Variants in TMEM117 observed in about 807,000 individuals in gnomAD.
TMEM117 encodes transmembrane protein 117.
TMEM117 carries 27 observed loss-of-function variants against 52.4 expected under a neutral mutation model. The observed-to-expected ratio is 0.51, with a 90% CI of 0.38 to 0.71. The LOEUF is 0.71. Ranked by LOEUF, TMEM117 falls within the 30% of genes least tolerant of loss-of-function variation. TMEM117 has a pLI of 0.00. For missense variants in TMEM117, 556 were observed against 630.5 expected, an observed-to-expected ratio of 0.88 and a Z score of 1.26; for synonymous variants, 215 against 206.3, an observed-to-expected ratio of 1.04 and a Z score of -0.36.
chr12:44,155,114 A>T (rs186828032), intron 4 of TMEM117, among the ~76,000 whole-genome samples: 6 of 152,152 alleles, frequency 3.9e-5, no homozygotes, highest in East Asian at 3.9e-4. Context: ...ATTTTGAGAT[A>T]AAAAAACTCA....
chr12:44,228,635 A>G (rs1250066198), intron 5 of TMEM117, among the ~76,000 whole-genome samples: 1 of 152,176 alleles, frequency 6.6e-6, no homozygotes, highest in Non-Finnish European at 1.5e-5. Context: ...ACCTAATCAG[A>G]GAACTGAATG....
chr12:44,311,915 A>G (rs143748536), intron 6 of TMEM117, among the ~76,000 whole-genome samples: 3,335 of 118,272 alleles, frequency 0.028, 275 homozygotes, highest in African/African-American at 0.095. Flanking sequence ...ATATGTGTGT[A>G]TATATATATA....
intron 3 of TMEM117, among the ~76,000 whole-genome samples, chr12:44,034,984 A>ACATCT (rs1946688014): frequency 1.3e-5 from 2 of 152,180 alleles, no homozygotes; most frequent in Non-Finnish European, 2.9e-5. Context: ...TTAAGCTGGA[A>ACATCT]CATCTCATCT....
At chr12:43,859,955 G>T (rs1462447469) in intron 2 of TMEM117, among the ~76,000 whole-genome samples, 1 of 152,146 alleles carries the variant, frequency 6.6e-6, no homozygotes, top group Non-Finnish European at 1.5e-5. Flanking sequence ...GACACTAGAA[G>T]AGACTTTAAG....
chr12:44,159,991 G>A (rs1271037754), intron 4 of TMEM117, among the ~76,000 whole-genome samples: 1 of 152,132 alleles, frequency 6.6e-6, no homozygotes, highest in Non-Finnish European at 1.5e-5. Context: ...ATCAGAGAGA[G>A]GATGAAAGCA....
At chr12:44,396,175 A>G in the TMEM117 span, among the ~76,000 whole-genome samples, 1 of 152,084 alleles carries the variant, frequency 6.6e-6, no homozygotes, top group African/African-American at 2.4e-5. Context: ...ATGTTGAACT[A>G]CTGACAGCTC....
At chr12:44,369,384 A>G (rs991596086) in intron 6 of TMEM117, among the ~76,000 whole-genome samples, 1 of 152,224 alleles carries the variant, frequency 6.6e-6, no homozygotes, top group Admixed American at 6.5e-5. Flanking sequence ...GCCTCTGAAA[A>G]GTAACAGACT....
At chr12:43,870,894 C>T (rs1187136008) in intron 2 of TMEM117, among the ~76,000 whole-genome samples, 1 of 152,222 alleles carries the variant, frequency 6.6e-6, no homozygotes, top group Admixed American at 6.5e-5. Context: ...AAGCGATTCT[C>T]CTGCCTCAGC....
intron 5 of TMEM117, among the ~76,000 whole-genome samples, chr12:44,257,062 G>A (rs1950268025): frequency 6.7e-6 from 1 of 148,890 alleles, no homozygotes; most frequent in African/African-American, 2.5e-5. Flanking sequence ...AATATCTATT[G>A]CATACTAGAT....
intron 2 of TMEM117, among the ~76,000 whole-genome samples, chr12:43,874,891 A>C (rs1211914786): frequency 6.6e-6 from 1 of 152,230 alleles, no homozygotes. Context: ...ATATCAAATT[A>C]GATCCGCAGG....
intron 4 of TMEM117, among the ~76,000 whole-genome samples, chr12:44,168,194 AG>A (rs934238748): frequency 6.6e-6 from 1 of 151,960 alleles, no homozygotes; most frequent in Non-Finnish European, 1.5e-5. Context: ...CGGAGGTTGC[AG>A]GGAGCTGAGA....
chr12:44,093,325 A>G (rs1213558194), intron 3 of TMEM117, among the ~76,000 whole-genome samples: 1 of 152,130 alleles, frequency 6.6e-6, no homozygotes, highest in African/African-American at 2.4e-5. Flanking sequence ...TCTAATTGAT[A>G]CTGTTTTCAT....
chr12:44,359,060 TC>T (rs1369317045), intron 6 of TMEM117, among the ~76,000 whole-genome samples: 1 of 152,184 alleles, frequency 6.6e-6, no homozygotes, highest in African/African-American at 2.4e-5. Flanking sequence ...TGATATTATA[TC>T]CCCTTTGAAC....
chr12:44,271,358 C>T (rs1015014506), intron 5 of TMEM117, among the ~76,000 whole-genome samples: 2 of 151,966 alleles, frequency 1.3e-5, no homozygotes, highest in African/African-American at 4.8e-5. Flanking sequence ...GGCCTGAGAG[C>T]ATAACTGTCT....
chr12:43,801,799 G>A, the TMEM117 span, among the ~76,000 whole-genome samples: 1 of 152,198 alleles, frequency 6.6e-6, no homozygotes, highest in African/African-American at 2.4e-5. Context: ...GGAGGCCGAG[G>A]TGGGTGGATC....
upstream of TMEM117, among the ~76,000 whole-genome samples, chr12:43,834,257 G>A (rs1027382422): frequency 4.6e-5 from 7 of 152,248 alleles, no homozygotes; most frequent in East Asian, 1.9e-4. Flanking sequence ...AGTTACCCAC[G>A]TGTAACAGTT....
chr12:44,172,213 A>G (rs1329316127), intron 4 of TMEM117, among the ~76,000 whole-genome samples: 1 of 152,226 alleles, frequency 6.6e-6, no homozygotes. Flanking sequence ...TGGCTGACAT[A>G]ACCAAGTACC....
intron 4 of TMEM117, among the ~76,000 whole-genome samples, chr12:44,187,128 A>G (rs975008010): frequency 2.0e-5 from 3 of 152,168 alleles, no homozygotes; most frequent in Non-Finnish European, 4.4e-5. Context: ...GACTCTCACT[A>G]GGGAGGCTTC....
intron 3 of TMEM117, among the ~76,000 whole-genome samples, chr12:43,954,224 A>G (rs138841149): frequency 0.03 from 4,556 of 152,322 alleles, 213 homozygotes; most frequent in African/African-American, 0.1. Flanking sequence ...TTGACACCCT[A>G]ACATCACAAC....
Sources: gnomAD v4.1 joint callset for allele counts (sites outside exome capture counted in the v4.1 genomes callset) on GRCh38, gnomAD v4.1.1 for gene constraint, MANE v1.5 for transcripts, NCBI Gene and HGNC (gene_info 2026-07-23, HGNC 2026-07-21) for gene names.